Variants in SLC25A13 observed in about 807,000 individuals in gnomAD.
The protein encoded by SLC25A13 is electrogenic aspartate/glutamate antiporter SLC25A13, mitochondrial.
SLC25A13 carries 70 observed loss-of-function variants against 85.5 expected under a neutral mutation model. The ratio of observed to expected loss-of-function variants is 0.82; its 90% CI spans 0.68 to 1.00. SLC25A13 has a LOEUF of 1.00. Ranked by LOEUF, SLC25A13 falls within the 50% of genes least tolerant of loss-of-function variation. The pLI, the probability that SLC25A13 is intolerant of heterozygous loss-of-function variation, is 0.00. For synonymous variants in SLC25A13, 259 were observed against 288.7 expected, an observed-to-expected ratio of 0.90 and a Z score of 1.04; for missense variants, 765 against 819.8, an observed-to-expected ratio of 0.93 and a Z score of 0.82.
chr7:96,171,163 T>A (rs2116580536), intron 12 of SLC25A13, among the ~76,000 whole-genome samples: 1 of 152,322 alleles, frequency 6.6e-6, no homozygotes, highest in African/African-American at 2.4e-5. Context: ...TTGCTTGAGA[T>A]TAAACCAGTA....
At position 96,291,866 on chromosome 7, in the gene SLC25A13, C is replaced by T. The variant is rs146715745; in HGVS notation, c.69+5032G>A. ...CCAGAGGTACAAGGAGGAGCTGCTA[C>T]CATTCTTTCTGAAACTATTCCAATC... On this transcript the variant is annotated intron_variant, in intron 2 of 17. Transcript: ENST00000265631. 3.9e-4 allele frequency among the ~76,000 whole-genome samples: 60 copies of T among 152,318 alleles called. No homozygotes were observed. In the East Asian group the frequency reaches 0.01, roughly 26 times the overall value.
intron 2 of SLC25A13, among the ~76,000 whole-genome samples, chr7:96,294,588 GAC>G (rs1799274298): frequency 7.0e-6 from 1 of 142,132 alleles, no homozygotes; most frequent in Admixed American, 7.4e-5. Context: ...CAGCCTGGGA[GAC>G]ACAGTGAGAC....
chr7:96,298,622 G>A (rs937840297), intron 1 of SLC25A13, among the ~76,000 whole-genome samples: 27 of 151,894 alleles, frequency 1.8e-4, no homozygotes, highest in African/African-American at 5.8e-4. Context: ...TAGTACAGAT[G>A]GGGTTTTACC....
chr7:96,262,872 C>T (rs550108577), intron 3 of SLC25A13, among the ~76,000 whole-genome samples: 1 of 152,100 alleles, frequency 6.6e-6, no homozygotes, highest in Non-Finnish European at 1.5e-5. Flanking sequence ...AATTCTCCAC[C>T]TCCCTTTATA....
At chr7:96,259,971 G>A (rs183540399) in intron 3 of SLC25A13, among the ~76,000 whole-genome samples, 21 of 150,246 alleles carry the variant, frequency 1.4e-4, no homozygotes, top group Non-Finnish European at 1.2e-4. Context: ...ACCAAACACC[G>A]CATGTTCGCA....
intron 13 of SLC25A13, among the ~76,000 whole-genome samples, chr7:96,156,014 T>C (rs1280248299): frequency 6.6e-6 from 1 of 152,226 alleles, no homozygotes. Context: ...ATTTTCAGTT[T>C]TTTCTTTCCT....
At chr7:96,174,834 G>A (rs752135173) in intron 11 of SLC25A13, among the ~76,000 whole-genome samples, 4 of 152,084 alleles carry the variant, frequency 2.6e-5, no homozygotes, top group Non-Finnish European at 4.4e-5. Flanking sequence ...CATTGTGAAC[G>A]GCAAAAAACA....
At position 96,155,174 on chromosome 7, in the gene SLC25A13, G is replaced by A. The variant is rs540844788; in HGVS notation, c.1312-8478C>T. On this transcript the variant is annotated intron_variant, in intron 13 of 17. Coordinates refer to ENST00000265631, the MANE Select transcript of SLC25A13 (RefSeq NM_014251.3). ...TTGAGAGTACATAGTTAATCAAGAGGTCCTGGATGCTGGAGGAATTTGAGT... is the reference window on the plus strand; with the variant it reads ...TTGAGAGTACATAGTTAATCAAGAGATCCTGGATGCTGGAGGAATTTGAGT... Among the ~76,000 whole-genome samples the A allele has an allele frequency of 6.6e-5, 10 of 152,232 alleles. No individual in the cohort carries two copies. The East Asian group carries it at 1.5e-3, about 24-fold the overall frequency.
rs1242006186 is a variant in SLC25A13 at position 96,205,823 on chromosome 7, G to A, written c.468+3015C>T. On this transcript the variant is annotated intron_variant, in intron 5 of 17. Transcript: ENST00000265631. ...GCCCAGGACTGCCAACACCTTAGTG[G>A]GTGGGGACCTGTCCAGACTCTACAC... is the stretch of plus-strand genomic sequence containing the variant. Among the ~76,000 whole-genome samples, 4 of 152,134 alleles carry A rather than the reference G, an allele frequency of 2.6e-5. No homozygotes were observed. The South Asian group carries it at 8.3e-4, about 31-fold the overall frequency.
intron 14 of SLC25A13, among the ~76,000 whole-genome samples, chr7:96,143,434 G>GA (rs1323222521): frequency 6.6e-6 from 1 of 152,172 alleles, no homozygotes; most frequent in Admixed American, 6.5e-5. Context: ...TTTTTAAAAA[G>GA]AAGTAGACAT....
intron 14 of SLC25A13, among the ~76,000 whole-genome samples, chr7:96,134,601 G>C (rs991764495): frequency 6.6e-6 from 1 of 151,640 alleles, no homozygotes; most frequent in African/African-American, 2.4e-5. Context: ...TCTGAAGAAG[G>C]ACCCACTGAG....
chr7:96,291,463 C>T (rs1157109641), intron 2 of SLC25A13, among the ~76,000 whole-genome samples: 1 of 152,148 alleles, frequency 6.6e-6, no homozygotes, highest in African/African-American at 2.4e-5. Context: ...ACACAAAAAA[C>T]CCTTCCAAAA....
chr7:96,130,905 G>A (rs1199555137), intron 15 of SLC25A13, among the ~76,000 whole-genome samples: 1 of 152,184 alleles, frequency 6.6e-6, no homozygotes, highest in East Asian at 1.9e-4. Context: ...GCCAGGGTAG[G>A]TGGGGTGTGC....
At chr7:96,245,233 A>G (rs961072039) in intron 3 of SLC25A13, among the ~76,000 whole-genome samples, 2 of 152,206 alleles carry the variant, frequency 1.3e-5, no homozygotes, top group African/African-American at 4.8e-5. Flanking sequence ...TTCAAGTAAC[A>G]CTAGAAAATG....
At chr7:96,136,532 C>G (rs1268747489) in intron 14 of SLC25A13, among the ~76,000 whole-genome samples, 1 of 152,182 alleles carries the variant, frequency 6.6e-6, no homozygotes, top group African/African-American at 2.4e-5. Flanking sequence ...TTTCCGATGT[C>G]TCTTTTTCTT....
chr7:96,177,829 T>A (rs958996257), intron 11 of SLC25A13, among the ~76,000 whole-genome samples: 10 of 152,168 alleles, frequency 6.6e-5, no homozygotes, highest in Non-Finnish European at 1.0e-4. Flanking sequence ...GCACTCAAAG[T>A]TGAATTCAGG....
chr7:96,319,413 G>T (rs918166316), intron 1 of SLC25A13, among the ~76,000 whole-genome samples: 3 of 151,822 alleles, frequency 2.0e-5, no homozygotes, highest in African/African-American at 7.3e-5. Flanking sequence ...GTGGTGGCAC[G>T]TGCCTGTAGT....
At chr7:96,235,096 C>G (rs1245307602) in intron 3 of SLC25A13, among the ~76,000 whole-genome samples, 179 bp from the exon 4 acceptor site, 1 of 152,128 alleles carries the variant, frequency 6.6e-6, no homozygotes, top group East Asian at 1.9e-4. Flanking sequence ...TAATAATGCA[C>G]AGAATCTAAA....
chr7:96,296,482 CTT>C (rs779094783), intron 2 of SLC25A13, among the ~76,000 whole-genome samples: 5 of 145,200 alleles, frequency 3.4e-5, no homozygotes, highest in Admixed American at 1.4e-4. Flanking sequence ...TTGGGATTTT[CTT>C]TTTTTTTTTT....
Sources: allele counts gnomAD v4.1 joint callset (sites outside exome capture counted in the v4.1 genomes callset), GRCh38; gene constraint gnomAD v4.1.1; transcripts MANE v1.5; gene names NCBI Gene and HGNC (gene_info 2026-07-23, HGNC 2026-07-21).